Variants in ERBB4 observed in about 807,000 individuals in gnomAD.
ERBB4 encodes erb-b2 receptor tyrosine kinase 4.
Under a neutral mutation model 158.0 loss-of-function variants are expected in ERBB4, and 42 were observed. That is an observed-to-expected ratio of 0.27 (90% CI 0.21 to 0.34). The LOEUF (loss-of-function observed/expected upper bound fraction) is 0.34, where lower values mean the gene tolerates loss of function less well. Among genes scored for constraint, ERBB4 ranks in the 10% least tolerant of loss-of-function variants. ERBB4 has a pLI of 1.00. For missense variants in ERBB4, 1,333 were observed against 1,624.1 expected (o/e 0.82, Z 3.08); for synonymous variants, 583 against 558.7 (o/e 1.04, Z -0.61).
In ERBB4 at chr2:211,508,753, C is replaced by T. The variant is rs550798210; in HGVS notation, c.2487+53150G>A. 1.7e-4 allele frequency among the ~76,000 whole-genome samples: 26 copies of T among 152,154 alleles called. No individual in the cohort carries two copies. The South Asian group carries it at 4.6e-3, about 27-fold the overall frequency. ...TACAATTGCAAAGACTTGGAGCCAA[C>T]CCAAACGCCCATCAGTGATAGACTG... On this transcript the variant is annotated intron_variant, in intron 20 of 27. Coordinates refer to ENST00000342788, the MANE Select transcript of ERBB4 (RefSeq NM_005235.3).
At chr2:212,320,516 A>AT (rs1343727023) in intron 1 of ERBB4, among the ~76,000 whole-genome samples, 1 of 117,956 alleles carries the variant, frequency 8.5e-6, no homozygotes, top group Non-Finnish European at 1.7e-5. Context: ...ACATGACAGA[A>AT]AAAAAAAAAC....
At chr2:212,526,062 G>A (rs1692430657) in intron 1 of ERBB4, among the ~76,000 whole-genome samples, 1 of 151,768 alleles carries the variant, frequency 6.6e-6, no homozygotes, top group South Asian at 2.1e-4. Context: ...TGCCTTCACA[G>A]AGCTCATCCT....
intron 3 of ERBB4, among the ~76,000 whole-genome samples, chr2:211,815,134 T>C (rs1164429865): frequency 9.2e-5 from 14 of 152,068 alleles, no homozygotes. Context: ...AAGGAAAAAA[T>C]CAAGGTTGAA....
intron 3 of ERBB4, among the ~76,000 whole-genome samples, chr2:211,828,494 T>G (rs1198497366): frequency 6.6e-6 from 1 of 152,134 alleles, no homozygotes; most frequent in Non-Finnish European, 1.5e-5. Flanking sequence ...GCTGCAGAGA[T>G]GGACTCAAAT....
intron 2 of ERBB4, among the ~76,000 whole-genome samples, chr2:212,042,282 C>T (rs747849933): frequency 1.3e-5 from 2 of 152,074 alleles, no homozygotes; most frequent in Non-Finnish European, 2.9e-5. Flanking sequence ...GCTTTCCTTT[C>T]TACATGCTGA....
At chr2:211,708,610 C>T (rs1446834420) in intron 9 of ERBB4, among the ~76,000 whole-genome samples, 1 of 134,266 alleles carries the variant, frequency 7.4e-6, no homozygotes, top group Non-Finnish European at 1.6e-5. Context: ...CTGTTTCCAT[C>T]CTTCTCTCTC....
intron 19 of ERBB4, among the ~76,000 whole-genome samples, chr2:211,586,869 A>G (rs1483883858): frequency 6.6e-6 from 1 of 152,186 alleles, no homozygotes. Flanking sequence ...TCTTTCCGAT[A>G]ATATTTATCT....
chr2:212,308,267 G>C lies in ERBB4; in HGVS notation c.83-183364C>G, dbSNP rs141963063. ...TCTGAATATTACCAGCCAAATTATA[G>C]TATATTCGGAATCATTCACAAAAAT... On this transcript the variant is annotated intron_variant, in intron 1 of 27. Transcript: ENST00000342788. 1.4e-3 allele frequency among the ~76,000 whole-genome samples: 213 copies of C among 151,168 alleles called. 2 individuals carry two copies. The highest frequency in any genetic ancestry group is 5.1e-3 in the African/African-American group (210 of 41,422).
At chr2:211,625,528 T>G (rs1265683499) in intron 17 of ERBB4, among the ~76,000 whole-genome samples, 1 of 152,218 alleles carries the variant, frequency 6.6e-6, no homozygotes, top group Non-Finnish European at 1.5e-5. Flanking sequence ...TGACAACTCA[T>G]CTTCAATTTC....
At chr2:212,526,660 T>C (rs1440243967) in intron 1 of ERBB4, among the ~76,000 whole-genome samples, 3 of 119,016 alleles carry the variant, frequency 2.5e-5, no homozygotes, top group African/African-American at 9.6e-5. Context: ...GTTAACATAT[T>C]AGTTAAAAAT....
intron 9 of ERBB4, among the ~76,000 whole-genome samples, chr2:211,706,967 T>C (rs2073469016): frequency 1.3e-5 from 2 of 152,182 alleles, no homozygotes; most frequent in South Asian, 4.1e-4. Context: ...CACTTTTTAA[T>C]GTGCAAAGAA....
chr2:212,279,479 A>C (rs778169879), intron 1 of ERBB4, among the ~76,000 whole-genome samples: 6 of 151,600 alleles, frequency 4.0e-5, no homozygotes, highest in African/African-American at 7.2e-5. Flanking sequence ...ATTAAAGAAA[A>C]TCTGCCATAT....
intron 2 of ERBB4, among the ~76,000 whole-genome samples, chr2:212,106,336 T>A (rs181394786): frequency 1.1e-4 from 17 of 152,338 alleles, no homozygotes; most frequent in Admixed American, 1.0e-3. Flanking sequence ...TAACTCTTGT[T>A]ATGTTTTAAC....
intron 2 of ERBB4, among the ~76,000 whole-genome samples, chr2:212,070,022 A>C (rs2125443484): frequency 6.6e-6 from 1 of 152,002 alleles, no homozygotes; most frequent in African/African-American, 2.4e-5. Context: ...TGGGAAGCTG[A>C]GGTGGGAGGA....
chr2:211,394,984 T>G (rs1399935800), intron 25 of ERBB4, among the ~76,000 whole-genome samples: 2 of 152,070 alleles, frequency 1.3e-5, no homozygotes, highest in Non-Finnish European at 2.9e-5. Flanking sequence ...ATAGGACAAG[T>G]AATAGAAAAG....
At chr2:211,525,252 C>CA (rs965539072) in intron 20 of ERBB4, among the ~76,000 whole-genome samples, 3 of 152,060 alleles carry the variant, frequency 2.0e-5, no homozygotes, top group Non-Finnish European at 4.4e-5. Context: ...CAACCCCAGA[C>CA]AAAAAAGCTC....
intron 3 of ERBB4, among the ~76,000 whole-genome samples, chr2:211,941,688 G>GT (rs1464391555): frequency 3.5e-5 from 5 of 143,992 alleles, no homozygotes; most frequent in African/African-American, 1.3e-4. Flanking sequence ...GCACAAAGTA[G>GT]TTAGAAGACA....
chr2:211,402,861 C>T (rs920163858), intron 25 of ERBB4, among the ~76,000 whole-genome samples: 4 of 151,974 alleles, frequency 2.6e-5, no homozygotes, highest in Non-Finnish European at 4.4e-5. Context: ...GCGGCTTTCA[C>T]TAACATGCTA....
chr2:211,974,534 T>C (rs980049276), intron 2 of ERBB4, among the ~76,000 whole-genome samples: 1 of 152,208 alleles, frequency 6.6e-6, no homozygotes, highest in Non-Finnish European at 1.5e-5. Context: ...ATCTCTAAAG[T>C]GGAGGAAGTC....
Sources: gnomAD v4.1 joint callset for allele counts (sites outside exome capture counted in the v4.1 genomes callset) on GRCh38, gnomAD v4.1.1 for gene constraint, MANE v1.5 for transcripts, NCBI Gene and HGNC (gene_info 2026-07-23, HGNC 2026-07-21) for gene names.